The following DOCK5 variants were observed in gnomAD, a reference collection of about 807,000 sequenced individuals.
The protein encoded by DOCK5 is dedicator of cytokinesis 5.
DOCK5 carries 142 observed loss-of-function variants against 251.8 expected under a neutral mutation model. The ratio of observed to expected loss-of-function variants is 0.56; its 90% CI spans 0.49 to 0.65. DOCK5 has a LOEUF of 0.65. Among genes scored for constraint, DOCK5 ranks in the 30% least tolerant of loss-of-function variants. The probability of loss-of-function intolerance (pLI) is 0.00; values close to 1 mark genes in which losing one functional copy is unlikely to be tolerated. For synonymous variants in DOCK5, 842 were observed against 835.5 expected (o/e 1.01, Z -0.13); for missense variants, 2,111 against 2,312.3 (o/e 0.91, Z 1.79).
rs758772489 is a variant in DOCK5, at chr8:25,403,695, C to T, written c.5064C>T (p.Asp1688=). The T allele has an allele frequency of 2.5e-6, 4 of 1,613,940 alleles. No homozygotes were observed. Among genetic ancestry groups the T allele is most frequent in the East Asian group, 4.5e-5 (2 of 44,878 alleles). The change falls in exon 48 of 52, where the codon GAC becomes GAT. Residue 1688 remains aspartate (D), a synonymous_variant. Transcript: ENST00000276440. Reference sequence around the variant, plus strand: ...TTTCCACCTCTTCAAACTCGTCTGACAATGCTCCTTCCAGACCGGGATCTG... The same window carrying T: ...TTTCCACCTCTTCAAACTCGTCTGATAATGCTCCTTCCAGACCGGGATCTG... ...SVVSTSSNSS[D]NAPSRPGSDG... is the part of the protein sequence containing the mutation.
intron 21 of DOCK5, among the ~76,000 whole-genome samples, chr8:25,334,633 C>T (rs1805758576): frequency 6.6e-6 from 1 of 151,808 alleles, no homozygotes; most frequent in Non-Finnish European, 1.5e-5. Context: ...ATTGCTTAAG[C>T]CCAGGGAAGT....
chr8:25,316,857 G>A lies in DOCK5; in HGVS notation c.1319-150G>A, dbSNP rs994971894. 1.7e-5 allele frequency: 15 copies of A among 901,634 alleles called. No homozygotes were observed. The Admixed American group carries it at 4.2e-4, about 26-fold the overall frequency. 55.9% of individuals were successfully genotyped at this position (901,634 alleles called of 1,614,324 possible). A position where few individuals can be genotyped will look rare whatever the true frequency, so the allele number is the denominator to read the frequency against. The stretch of plus-strand genomic sequence containing the variant: ...GGTAAAATGTGATAAGCTGAAGACA[G>A]CAAACGCATATGAAAGCCTTTTGTC... On this transcript the variant is annotated intron_variant, in intron 13 of 51. Coordinates refer to ENST00000276440, the MANE Select transcript of DOCK5 (RefSeq NM_024940.8).
chr8:25,411,114 A>C (rs762841557), intron 51 of DOCK5, 80 bp from the exon 52 acceptor site: 268 of 1,411,612 alleles, frequency 1.9e-4, no homozygotes, highest in Admixed American at 5.9e-4. Flanking sequence ...GCTAAAGCAG[A>C]ATATGAGAAA....
intron 33 of DOCK5, among the ~76,000 whole-genome samples, 192 bp from the exon 34 acceptor site, chr8:25,369,364 T>C (rs1800833257): frequency 1.3e-5 from 2 of 152,238 alleles, no homozygotes; most frequent in African/African-American, 4.8e-5. Flanking sequence ...AAGGACAAAG[T>C]AACATGAGAC....
In DOCK5 at chr8:25,273,690, C is replaced by T. The variant is rs574685243; in HGVS notation, c.169-1696C>T. ...TTTTCACTTCGATGGTGTGCCTATG[C>T]GTGTATGTTTTATACTGATAGAATT... On this transcript the variant is annotated intron_variant, in intron 3 of 51. Transcript: ENST00000276440. 2.8e-4 allele frequency among the ~76,000 whole-genome samples: 43 copies of T among 152,284 alleles called. 1 individual carries two copies. The East Asian group carries it at 4.4e-3, about 16-fold the overall frequency.
At chr8:25,356,676 AAAAG>A (rs1800575455) in intron 27 of DOCK5, among the ~76,000 whole-genome samples, 1 of 151,862 alleles carries the variant, frequency 6.6e-6, no homozygotes, top group Non-Finnish European at 1.5e-5. Flanking sequence ...CAAAGAAAGA[AAAAG>A]AAAATTAGTT....
intron 28 of DOCK5, among the ~76,000 whole-genome samples, chr8:25,360,882 G>T (rs1021394014): frequency 6.6e-6 from 1 of 152,100 alleles, no homozygotes; most frequent in Non-Finnish European, 1.5e-5. Flanking sequence ...AAAAAAAGGG[G>T]CGTACCTCCT....
intron 2 of DOCK5, among the ~76,000 whole-genome samples, chr8:25,247,420 G>A (rs1377610653): frequency 6.6e-6 from 1 of 151,954 alleles, no homozygotes; most frequent in Non-Finnish European, 1.5e-5. Flanking sequence ...AACATAGTGA[G>A]ACCTTGTCTC....
intron 28 of DOCK5, among the ~76,000 whole-genome samples, chr8:25,360,140 A>G (rs1179061196): frequency 6.6e-6 from 1 of 152,244 alleles, no homozygotes; most frequent in Non-Finnish European, 1.5e-5. Context: ...CATGCTGAGT[A>G]GATGGCCAGT....
intron 6 of DOCK5, among the ~76,000 whole-genome samples, chr8:25,293,646 C>G (rs1804548236): frequency 1.3e-5 from 2 of 152,150 alleles, no homozygotes; most frequent in Admixed American, 6.5e-5. Context: ...TATTACTTGA[C>G]CACCCAGAAG....
Position 25,304,344 on chromosome 8 carries a change from G to A in DOCK5, c.1049+17G>A. ...CTTTCAGCAGTAAGTACTTTGGCAT[G>A]TGTCCCAGGTGACTTGAGACCTGGA... On this transcript the variant is annotated intron_variant, in intron 11 of 51. Transcript: ENST00000276440. 1 of 1,590,656 alleles carries A rather than the reference G, an allele frequency of 6.3e-7. No homozygotes were observed. Among genetic ancestry groups the A allele is most frequent in the Non-Finnish European group, 8.5e-7 (1 of 1,169,828 alleles).
At chr8:25,334,442 C>T (rs1805754533) in intron 21 of DOCK5, among the ~76,000 whole-genome samples, 1 of 152,094 alleles carries the variant, frequency 6.6e-6, no homozygotes, top group Non-Finnish European at 1.5e-5. Flanking sequence ...CAGAATAGGC[C>T]AGGCGTGGTT....
At chr8:25,249,738 C>T (rs758621026) in intron 2 of DOCK5, among the ~76,000 whole-genome samples, 3 of 152,122 alleles carry the variant, frequency 2.0e-5, no homozygotes, top group Admixed American at 1.3e-4. Flanking sequence ...AGGTGCACAC[C>T]GCTACACCCA....
chr8:25,247,513 C>T (rs769987375), intron 2 of DOCK5, among the ~76,000 whole-genome samples: 2 of 152,052 alleles, frequency 1.3e-5, no homozygotes, highest in Non-Finnish European at 2.9e-5. Flanking sequence ...GGGAGGATTG[C>T]TTGAGCCTGG....
intron 26 of DOCK5, among the ~76,000 whole-genome samples, chr8:25,346,697 G>C (rs566173535): frequency 6.9e-6 from 1 of 144,240 alleles, no homozygotes; most frequent in Non-Finnish European, 1.5e-5. Flanking sequence ...GGTGGCACGC[G>C]CCTATAGTCC....
intron 45 of DOCK5, among the ~76,000 whole-genome samples, chr8:25,397,007 G>C (rs774322513): frequency 6.6e-6 from 1 of 152,140 alleles, no homozygotes; most frequent in Non-Finnish European, 1.5e-5. Flanking sequence ...ATCACCTGAG[G>C]CCAAGAGATA....
At chr8:25,226,251 T>C (rs1194135737) in intron 1 of DOCK5, among the ~76,000 whole-genome samples, 2 of 150,366 alleles carry the variant, frequency 1.3e-5, no homozygotes, top group African/African-American at 4.9e-5. Flanking sequence ...AATGTGTGTA[T>C]AGGCTGCTTT....
chr8:25,391,570 G>A (rs988330923), intron 42 of DOCK5, among the ~76,000 whole-genome samples: 2 of 152,182 alleles, frequency 1.3e-5, no homozygotes. Flanking sequence ...CTCAGAAAGT[G>A]CAGCCTGCAG....
chr8:25,210,058 GTGTGTGTGTGTATCTGTCTATT>G lies in DOCK5; in HGVS notation c.43+25109_43+25130del, dbSNP rs1439264902. The stretch of plus-strand genomic sequence containing the variant: ...TAAATGTGTGTGTGTGTGTGTGTGT[GTGTGTGTGTGTATCTGTCTATT>G]TATCTATCTATCTATCTATCTATCT... On this transcript the variant is annotated intron_variant, in intron 1 of 51. Coordinates refer to ENST00000276440, the MANE Select transcript of DOCK5 (RefSeq NM_024940.8). Among the ~76,000 whole-genome samples, 128 of 28,974 alleles carry G rather than the reference GTGTGTGTGTGTATCTGTCTATT, an allele frequency of 4.4e-3. 33 individuals carry two copies. Among genetic ancestry groups the G allele is most frequent in the African/African-American group, 0.012 (118 of 9,832 alleles). 19.0% of individuals were successfully genotyped at this position (28,974 alleles called of 152,430 possible).
Sources: allele counts gnomAD v4.1 joint callset (sites outside exome capture counted in the v4.1 genomes callset), GRCh38; gene constraint gnomAD v4.1.1; transcripts MANE v1.5; gene names NCBI Gene and HGNC (gene_info 2026-07-23, HGNC 2026-07-21).